MGAT4C: variants seen among roughly 807,000 people sequenced by gnomAD.
MGAT4C encodes MGAT4 family member C.
In MGAT4C, 19 loss-of-function variants were observed where a neutral mutation model predicts 40.1. The observed-to-expected ratio is 0.47, with a 90% CI of 0.33 to 0.70. The LOEUF (loss-of-function observed/expected upper bound fraction) is 0.70. Ranked by LOEUF, MGAT4C falls within the 30% of genes least tolerant of loss-of-function variation. MGAT4C has a pLI of 0.02. For synonymous variants in MGAT4C, 181 were observed against 187.1 expected (o/e 0.97, Z 0.27); for missense variants, 491 against 563.2 (o/e 0.87, Z 1.30).
At chr12:86,742,817 AT>A (rs553467525) in intron 1 of MGAT4C, among the ~76,000 whole-genome samples, 114 of 151,726 alleles carry the variant, frequency 7.5e-4, no homozygotes, top group African/African-American at 2.6e-3. Context: ...TAATAAAAAA[AT>A]AATACTAACA....
chr12:86,619,509 A>T (rs181103804), intron 2 of MGAT4C, among the ~76,000 whole-genome samples: 1 of 152,046 alleles, frequency 6.6e-6, no homozygotes, highest in African/African-American at 2.4e-5. Context: ...CTCAACACCA[A>T]AAAGTGATAT....
intron 1 of MGAT4C, among the ~76,000 whole-genome samples, chr12:86,060,368 G>C (rs1213810749): frequency 3.3e-5 from 5 of 152,156 alleles, no homozygotes; most frequent in Non-Finnish European, 1.5e-5. Context: ...GTTAGGAAAA[G>C]AATGGCTTCC....
At chr12:86,609,800 A>G (rs1962184375) in intron 2 of MGAT4C, among the ~76,000 whole-genome samples, 1 of 152,028 alleles carries the variant, frequency 6.6e-6, no homozygotes, top group Non-Finnish European at 1.5e-5. Flanking sequence ...AGAAAAAAAA[A>G]AAACTTGCAA....
intron 4 of MGAT4C, among the ~76,000 whole-genome samples, chr12:86,317,711 T>C (rs769025543): frequency 6.6e-6 from 1 of 152,086 alleles, no homozygotes; most frequent in Admixed American, 6.6e-5. Flanking sequence ...GCTAAAAATA[T>C]AGAAGGTTTT....
chr12:86,074,277 G>T (rs1226174809), intron 1 of MGAT4C, among the ~76,000 whole-genome samples: 2 of 152,054 alleles, frequency 1.3e-5, no homozygotes, highest in South Asian at 4.2e-4. Flanking sequence ...TTTATCAGCA[G>T]TGTGAAAACG....
intron 3 of MGAT4C, among the ~76,000 whole-genome samples, chr12:86,419,442 C>A (rs1956780926): frequency 6.6e-6 from 1 of 150,916 alleles, no homozygotes; most frequent in African/African-American, 2.4e-5. Flanking sequence ...AAATATATAT[C>A]ACATAGATAA....
intron 3 of MGAT4C, among the ~76,000 whole-genome samples, chr12:86,369,071 A>C (rs922742759): frequency 1.3e-5 from 2 of 152,024 alleles, no homozygotes; most frequent in Non-Finnish European, 2.9e-5. Context: ...CATATTTAGA[A>C]TATTATACAT....
At chr12:86,774,527 T>C (rs1419617590) in intron 1 of MGAT4C, among the ~76,000 whole-genome samples, 2 of 151,812 alleles carry the variant, frequency 1.3e-5, no homozygotes, top group African/African-American at 2.4e-5. Flanking sequence ...TCTGTCTCAC[T>C]GTTGGGCTTG....
intron 1 of MGAT4C, among the ~76,000 whole-genome samples, chr12:86,218,730 C>T (rs1006467601): frequency 6.6e-6 from 1 of 152,106 alleles, no homozygotes; most frequent in Non-Finnish European, 1.5e-5. Flanking sequence ...ACTGCTGTGG[C>T]AGGTTTTCAT....
At chr12:86,141,512 AG>A (rs1192032331) in intron 1 of MGAT4C, among the ~76,000 whole-genome samples, 1 of 152,192 alleles carries the variant, frequency 6.6e-6, no homozygotes, top group Non-Finnish European at 1.5e-5. Context: ...GGCATAAAAC[AG>A]TAAGGATCAT....
intron 2 of MGAT4C, among the ~76,000 whole-genome samples, chr12:85,997,799 G>A (rs898121693): frequency 6.6e-6 from 1 of 152,196 alleles, no homozygotes; most frequent in African/African-American, 2.4e-5. Flanking sequence ...CTGCCTTCAT[G>A]GGTTAGCATA....
intron 1 of MGAT4C, among the ~76,000 whole-genome samples, chr12:86,233,860 G>T (rs896771446): frequency 6.6e-6 from 1 of 152,012 alleles, no homozygotes; most frequent in African/African-American, 2.4e-5. Flanking sequence ...ATCAGTTAAA[G>T]ACAGCTCAGC....
At position 86,498,642 on chromosome 12, in the gene MGAT4C, G is replaced by A. The variant is rs1958283424; in HGVS notation, c.-228-63377C>T. On this transcript the variant is annotated intron_variant, in intron 2 of 7. Coordinates refer to the MGAT4C transcript ENST00000548651. ...AAATAATAACTGCATAAAATTAATT[G>A]TAGCATACTGTACTTATAGCCAGCT... Among the ~76,000 whole-genome samples the A allele has an allele frequency of 2.0e-5, 3 of 151,856 alleles. No homozygotes were observed. In the South Asian group the frequency reaches 6.2e-4, roughly 32 times the overall value.
chr12:86,436,215 T>C (rs1957134991), intron 2 of MGAT4C, among the ~76,000 whole-genome samples: 1 of 148,714 alleles, frequency 6.7e-6, no homozygotes, highest in Non-Finnish European at 1.5e-5. Flanking sequence ...TTCATCTGTA[T>C]ACAGATTAAG....
rs185565219 is a variant in MGAT4C at position 86,743,605 on chromosome 12, T to G, written c.-261-16364A>C. ...AGTATGAAATAAAGACTCACAGGGATGAAAGCACAGAGGAAATAATGAATA... is the reference window on the plus strand; with the variant it reads ...AGTATGAAATAAAGACTCACAGGGAGGAAAGCACAGAGGAAATAATGAATA... On this transcript the variant is annotated intron_variant, in intron 1 of 7. Coordinates refer to the MGAT4C transcript ENST00000548651. Among the ~76,000 whole-genome samples, 290 of 151,648 alleles carry G rather than the reference T, an allele frequency of 1.9e-3. 6 individuals are homozygous for G. Among genetic ancestry groups the G allele is most frequent in the Non-Finnish European group, 3.3e-4 (22 of 67,678 alleles).
At chr12:86,112,027 A>G (rs550154516) in intron 1 of MGAT4C, among the ~76,000 whole-genome samples, 6 of 152,014 alleles carry the variant, frequency 3.9e-5, no homozygotes, top group Admixed American at 2.6e-4. Flanking sequence ...ACATATGTAT[A>G]TAAGTAGAAT....
chr12:86,716,329 T>C (rs182284826), intron 2 of MGAT4C, among the ~76,000 whole-genome samples: 1 of 152,264 alleles, frequency 6.6e-6, no homozygotes. Flanking sequence ...AATTTTAGTT[T>C]ATATATTAAC....
intron 2 of MGAT4C, among the ~76,000 whole-genome samples, chr12:86,468,458 G>A (rs1957712885): frequency 6.6e-6 from 1 of 151,708 alleles, no homozygotes; most frequent in Non-Finnish European, 1.5e-5. Context: ...CTTTTCAACT[G>A]ATCTTTCTCT....
At chr12:86,491,963 T>C (rs1443273703) in intron 2 of MGAT4C, among the ~76,000 whole-genome samples, 2 of 151,966 alleles carry the variant, frequency 1.3e-5, no homozygotes, top group East Asian at 1.9e-4. Flanking sequence ...GGATACAAAA[T>C]CAATGTACAA....
Sources: gnomAD v4.1 joint callset for allele counts (sites outside exome capture counted in the v4.1 genomes callset) on GRCh38, gnomAD v4.1.1 for gene constraint, MANE v1.5 for transcripts, NCBI Gene and HGNC (gene_info 2026-07-23, HGNC 2026-07-21) for gene names.